RARB: variants seen among roughly 807,000 people sequenced by gnomAD.
RARB encodes HBV-activated protein.
A neutral mutation model predicts 51.9 loss-of-function variants in RARB; 17 were observed. That is an observed-to-expected ratio of 0.33 (90% CI 0.22 to 0.49). The LOEUF is 0.49. RARB is among the 20% of genes least tolerant of loss of function. The pLI, the probability that RARB is intolerant of heterozygous loss-of-function variation, is 0.99. For synonymous variants in RARB, 215 were observed against 195.4 expected, an observed-to-expected ratio of 1.10 and a Z score of -0.84; for missense variants, 369 against 550.8, an observed-to-expected ratio of 0.67 and a Z score of 3.30.
At chr3:25,235,252 G>C (rs1328014602) in intron 5 of RARB, among the ~76,000 whole-genome samples, 1 of 151,996 alleles carries the variant, frequency 6.6e-6, no homozygotes, top group Non-Finnish European at 1.5e-5. Flanking sequence ...GAAACTCTTC[G>C]GCTGTAGTAA....
chr3:24,991,764 T>G (rs1332450302), intron 2 of RARB, among the ~76,000 whole-genome samples: 1 of 151,690 alleles, frequency 6.6e-6, no homozygotes, highest in Non-Finnish European at 1.5e-5. Context: ...GGAGGGTGTT[T>G]TTTTTTTTTC....
At chr3:25,103,737 C>A (rs563149887) in intron 3 of RARB, among the ~76,000 whole-genome samples, 14 of 152,332 alleles carry the variant, frequency 9.2e-5, no homozygotes, top group African/African-American at 3.4e-4. Context: ...CTATAAAGTG[C>A]ATCATATCCA....
chr3:24,921,492 C>T (rs1046042060), intron 2 of RARB, among the ~76,000 whole-genome samples: 4 of 152,110 alleles, frequency 2.6e-5, no homozygotes, highest in Non-Finnish European at 4.4e-5. Flanking sequence ...GTTTAGGTGA[C>T]CTTGCACCAG....
intron 1 of RARB, among the ~76,000 whole-genome samples, chr3:25,437,437 G>T (rs1034495191): frequency 4.6e-5 from 7 of 152,140 alleles, no homozygotes; most frequent in African/African-American, 1.4e-4. Context: ...TTGGGTGTCT[G>T]CCATGTGCCA....
chr3:24,897,515 G>T (rs886899045), intron 2 of RARB, among the ~76,000 whole-genome samples: 3 of 151,974 alleles, frequency 2.0e-5, no homozygotes, highest in East Asian at 1.9e-4. Context: ...TTTCAAATTC[G>T]ATAACTGTAA....
At chr3:25,540,572 G>A (rs111963806) in intron 3 of RARB, among the ~76,000 whole-genome samples, 2,360 of 152,202 alleles carry the variant, frequency 0.016, 70 homozygotes, top group African/African-American at 0.053. Flanking sequence ...CTGTTTCCCT[G>A]GTAACCAGAT....
intron 5 of RARB, among the ~76,000 whole-genome samples, chr3:25,289,921 C>G (rs1215970149): frequency 2.0e-5 from 3 of 152,118 alleles, no homozygotes; most frequent in Non-Finnish European, 4.4e-5. Flanking sequence ...TTCCTAGTGG[C>G]TAAAAGGATG....
At chr3:25,496,998 C>T (rs1024169024) in intron 2 of RARB, among the ~76,000 whole-genome samples, 1 of 152,230 alleles carries the variant, frequency 6.6e-6, no homozygotes, top group African/African-American at 2.4e-5. Context: ...GATTCTCCTG[C>T]CTCAGCCTCC....
intron 2 of RARB, among the ~76,000 whole-genome samples, chr3:25,014,490 C>T (rs1051292815): frequency 6.6e-5 from 10 of 152,034 alleles, no homozygotes; most frequent in South Asian, 2.1e-4. Context: ...TGACTGGCAG[C>T]GTACAGACCC....
chr3:25,176,640 C>T (rs951110129), intron 5 of RARB, among the ~76,000 whole-genome samples: 1 of 151,750 alleles, frequency 6.6e-6, no homozygotes. Context: ...ATGATCCAGC[C>T]ACCTCAGCCT....
intron 2 of RARB, among the ~76,000 whole-genome samples, chr3:24,967,989 T>C (rs1247769098): frequency 1.3e-5 from 2 of 152,162 alleles, no homozygotes; most frequent in Non-Finnish European, 2.9e-5. Flanking sequence ...ACAGGATGTT[T>C]TCTAATGAAA....
intron 5 of RARB, among the ~76,000 whole-genome samples, chr3:25,343,980 A>G (rs762798950): frequency 1.3e-5 from 2 of 152,218 alleles, no homozygotes; most frequent in Admixed American, 6.5e-5. Context: ...GATGCCTGCC[A>G]TCATGGTCTC....
intron 2 of RARB, among the ~76,000 whole-genome samples, chr3:25,056,368 A>C (rs1698442690): frequency 6.6e-6 from 1 of 152,202 alleles, no homozygotes; most frequent in South Asian, 2.1e-4. Flanking sequence ...CTTGAAGAAT[A>C]CTGGCTCAAA....
intron 5 of RARB, among the ~76,000 whole-genome samples, chr3:25,212,301 T>C (rs939849533): frequency 6.6e-6 from 1 of 152,214 alleles, no homozygotes; most frequent in Admixed American, 6.5e-5. Flanking sequence ...CAACTTTCTA[T>C]TTACGTGACC....
intron 3 of RARB, among the ~76,000 whole-genome samples, chr3:25,556,786 A>T (rs1370764176): frequency 6.6e-6 from 1 of 152,208 alleles, no homozygotes; most frequent in Non-Finnish European, 1.5e-5. Flanking sequence ...TTGCCTGTTC[A>T]TGGCAAACTG....
At chr3:24,955,630 T>G (rs531403628) in intron 2 of RARB, among the ~76,000 whole-genome samples, 55 of 152,334 alleles carry the variant, frequency 3.6e-4, no homozygotes, top group Non-Finnish European at 7.5e-4. Flanking sequence ...AAATTTTATT[T>G]CCATGTGGAA....
At chr3:25,224,866 A>G (rs1426196891) in intron 5 of RARB, among the ~76,000 whole-genome samples, 1 of 151,998 alleles carries the variant, frequency 6.6e-6, no homozygotes, top group African/African-American at 2.4e-5. Flanking sequence ...CAGCCTCCCA[A>G]AATGCCTGGA....
rs529171296 is a variant in RARB at position 24,860,879 on chromosome 3, T to C, written c.-380+2127T>C. Among the ~76,000 whole-genome samples, 14 of 152,314 alleles carry C rather than the reference T, an allele frequency of 9.2e-5. 1 individual carries two copies. The highest frequency in any genetic ancestry group is 3.1e-4 in the African/African-American group (13 of 41,564). On this transcript the variant is annotated intron_variant, in intron 2 of 11. Coordinates refer to the RARB transcript ENST00000383772. ...ACTCAAGGGGCTTCTTGTATACTAA[T>C]GACTTAGTATACAAGTAAACTTGCT...
At chr3:25,228,150 C>G (rs1011942530) in intron 5 of RARB, among the ~76,000 whole-genome samples, 1 of 150,002 alleles carries the variant, frequency 6.7e-6, no homozygotes, top group African/African-American at 2.5e-5. Context: ...ATAGCTGAGC[C>G]ATTTGGATGT....
Sources: allele counts gnomAD v4.1 joint callset (sites outside exome capture counted in the v4.1 genomes callset), GRCh38; gene constraint gnomAD v4.1.1; transcripts MANE v1.5; gene names NCBI Gene and HGNC (gene_info 2026-07-23, HGNC 2026-07-21).